Variants in CD163 observed in about 807,000 individuals in gnomAD.
CD163 encodes the protein CD163 molecule, also known as scavenger receptor cysteine-rich type 1 protein M130.
CD163 carries 64 observed loss-of-function variants against 129.2 expected under a neutral mutation model. That is an observed-to-expected ratio of 0.50 (90% CI 0.41 to 0.61). The LOEUF (loss-of-function observed/expected upper bound fraction) is 0.61, where lower values mean the gene tolerates loss of function less well. CD163 is among the 20% of genes least tolerant of loss of function. The pLI is 0.00. For synonymous variants in CD163, 446 were observed against 478.5 expected (o/e 0.93, Z 0.89); for missense variants, 1,061 against 1,377.9 (o/e 0.77, Z 3.64).
At chr12:7,488,115 AG>A in intron 6 of CD163, 28 bp from the exon 7 acceptor site, 1 of 1,545,130 alleles carries the variant, frequency 6.5e-7, no homozygotes. Flanking sequence ...TTTCAGTGAG[AG>A]GTAATATGAT....
intron 15 of CD163, 74 bp from the exon 16 acceptor site, chr12:7,479,987 T>C (rs1379906416): frequency 1.2e-6 from 2 of 1,608,328 alleles, no homozygotes; most frequent in Non-Finnish European, 1.7e-6. Context: ...AGCTGACTCA[T>C]GGGAATTTTC....
At position 7,503,650 on chromosome 12, in the gene CD163, G is replaced by C. The variant is rs746520372; in HGVS notation, c.41C>G (p.Ser14Cys). The C allele has an allele frequency of 1.3e-6, 2 of 1,598,404 alleles. No individual in the cohort carries two copies. The highest frequency in any genetic ancestry group is 4.5e-5 in the East Asian group (2 of 44,646). ...AATAAATGAGAAGCTTTTACCAGCAGATCCAGAGTCTTCAAGTAGCACCAT... is the reference window on the plus strand; with the variant it reads ...AATAAATGAGAAGCTTTTACCAGCACATCCAGAGTCTTCAAGTAGCACCAT... ...LRMVLLEDSG[S>C]ADFRRHFVNL... The change falls in exon 1 of 17, where the codon TCT becomes TGT. Residue 14 changes from serine to cysteine, a missense_variant. Coordinates refer to ENST00000432237, the MANE Select transcript of CD163 (RefSeq NM_203416.4).
In CD163 at chr12:7,482,959, G is replaced by C. The variant is rs781407651; in HGVS notation, c.3127+7C>G. 8.7e-6 allele frequency: 14 copies of C among 1,613,390 alleles called. No homozygotes were observed. The highest frequency in any genetic ancestry group is 1.6e-4 in the Middle Eastern group (1 of 6,080). On this transcript the variant is annotated splice_region_variant and intron_variant, in intron 13 of 16. Transcript: ENST00000432237. ...TTGGTCTCATCATCATAAACTCCAT[G>C]ATATACCTGTTGTGGCTTTTTGTGG...
chr12:7,478,831 T>A (rs779411687), intron 16 of CD163, among the ~76,000 whole-genome samples: 1 of 152,048 alleles, frequency 6.6e-6, no homozygotes, highest in Non-Finnish European at 1.5e-5. Flanking sequence ...TATATAATAT[T>A]TCTATAAAAA....
At position 7,502,854 on chromosome 12, in the gene CD163, C is replaced by T. The variant is rs1239755809; in HGVS notation, c.47-290G>A. 1.3e-5 allele frequency: 7 copies of T among 550,620 alleles called. No individual in the cohort carries two copies. In the East Asian group the frequency reaches 2.1e-4, roughly 16 times the overall value. The allele number at this position is 550,620 out of a possible 1,614,324, so 34.1% of individuals were successfully genotyped here. A position where few individuals can be genotyped will look rare whatever the true frequency, so the allele number is the denominator to read the frequency against. ...ACCCTTAAAACCTGGAAAATGGAAA[C>T]AACATCAATGAAACTTAGTAGTGGA... On this transcript the variant is annotated intron_variant, in intron 1 of 16. Transcript: ENST00000432237.
rs1948999876 is a variant in CD163, at chr12:7,471,323, A to G, written c.*106T>C. 6.6e-6 allele frequency: 1 copy of G among 152,296 alleles called. No homozygotes were observed. Among genetic ancestry groups the G allele is most frequent in the Non-Finnish European group, 1.5e-5 (1 of 68,030 alleles). 9.4% of individuals were successfully genotyped at this position (152,296 alleles called of 1,614,324 possible). ...AAGAACTCCATAAAAATGCAACTGT[A>G]ATAGTCAGTGAGAGAGGTGAATTTC... On this transcript the variant is annotated 3_prime_UTR_variant, in exon 17 of 17. Coordinates refer to ENST00000432237, the MANE Select transcript of CD163 (RefSeq NM_203416.4).
chr12:7,498,679 C>T (rs1026145388), intron 4 of CD163, among the ~76,000 whole-genome samples, 189 bp downstream of exon 4: 2 of 152,148 alleles, frequency 1.3e-5, no homozygotes, highest in South Asian at 2.1e-4. Context: ...CTTCCCTAAC[C>T]TATTTCTCCT....
intron 12 of CD163, 134 bp downstream of exon 12, chr12:7,483,233 A>C (rs1949188386): frequency 1.1e-6 from 1 of 871,350 alleles, no homozygotes; most frequent in East Asian, 2.6e-5. Context: ...CTTTCAGTAG[A>C]GACATTATGA....
intron 16 of CD163, among the ~76,000 whole-genome samples, chr12:7,474,316 C>T (rs140711625): frequency 6.6e-6 from 1 of 152,092 alleles, no homozygotes; most frequent in African/African-American, 2.4e-5. Flanking sequence ...CTAAAATGGA[C>T]CTCATAATTG....
intron 15 of CD163, 76 bp downstream of exon 15, chr12:7,481,085 A>G (rs1407679747): frequency 6.5e-7 from 1 of 1,545,278 alleles, no homozygotes; most frequent in Non-Finnish European, 8.7e-7. Flanking sequence ...CTGTTTATCA[A>G]AGTAGAATGT....
intron 6 of CD163, among the ~76,000 whole-genome samples, chr12:7,494,687 C>T (rs1400239115): frequency 6.6e-6 from 1 of 152,048 alleles, no homozygotes; most frequent in African/African-American, 2.4e-5. Context: ...GAAATATTCA[C>T]AGGTTTTCCA....
chr12:7,495,324 GTC>G lies in CD163; in HGVS notation c.1175_1176del (p.Arg392ThrfsTer7). ...CCTCTGTCACACACCTTCCCTAACAGTCTCTGAATCTCCACCTCAACTGTCCC... is the reference window on the plus strand; with the variant it reads ...CCTCTGTCACACACCTTCCCTAACAGTCTGAATCTCCACCTCAACTGTCCC... ...CAGTVEVEIQ[R>X]LLGKVCDRGW... On this transcript the variant is annotated frameshift_variant, in exon 6 of 17. Coordinates refer to ENST00000432237, the MANE Select transcript of CD163 (RefSeq NM_203416.4). LOFTEE classifies it high-confidence loss of function. The G allele has an allele frequency of 6.2e-7, 1 of 1,614,080 alleles. No homozygotes were observed. The highest frequency in any genetic ancestry group is 8.5e-7 in the Non-Finnish European group (1 of 1,180,004).
chr12:7,502,424 A>G (rs1949503785), intron 2 of CD163, 54 bp downstream of exon 2: 5 of 1,150,780 alleles, frequency 4.3e-6, no homozygotes, highest in Non-Finnish European at 6.6e-6. Context: ...TTGCCTTTTA[A>G]CTGTTCTTGT....
rs10690784 is a variant in CD163, at chr12:7,484,639, C to CA, written c.2779+456dup. On this transcript the variant is annotated intron_variant, in intron 11 of 16. Transcript: ENST00000432237. Reference sequence around the variant, plus strand: ...GGGGAACAAGAGCAAAACTCTGTCTCAAAAAAAAAAAAAAAAAAAACCTGT... The same window carrying CA: ...GGGGAACAAGAGCAAAACTCTGTCTCAAAAAAAAAAAAAAAAAAAAACCTGT... 7.8e-3 allele frequency among the ~76,000 whole-genome samples: 779 copies of CA among 100,428 alleles called. 28 individuals carry two copies. The highest frequency in any genetic ancestry group is 0.03 in the Middle Eastern group (6 of 200). 65.9% of individuals were successfully genotyped at this position (100,428 alleles called of 152,430 possible).
intron 10 of CD163, among the ~76,000 whole-genome samples, chr12:7,486,220 C>G (rs779177286): frequency 7.2e-5 from 11 of 152,144 alleles, no homozygotes; most frequent in Admixed American, 7.2e-4. Flanking sequence ...TATCTAATAT[C>G]TGGCCCCAAA....
chr12:7,501,400 C>T lies in CD163; in HGVS notation c.196G>A (p.Val66Met). Residue 66 changes from valine (V) to methionine (M), a missense_variant, in exon 3 of 17, where the codon GTG (valine) becomes ATG (methionine). Physicochemically the swap from Val to Met is conservative, Grantham distance 21 (BLOSUM62 1). Coordinates refer to ENST00000432237, the MANE Select transcript of CD163 (RefSeq NM_203416.4). ...GTTCCCCACTCCTCCTGGACTTTCA[C>T]TTCCACTCTCCCGCTACACTTGTTT... The part of the protein sequence containing the change: ...GENKCSGRVE[V>M]KVQEEWGTVC... 6.2e-7 allele frequency: 1 copy of T among 1,614,056 alleles called. No individual in the cohort carries two copies.
chr12:7,487,601 G>T lies in CD163; in HGVS notation c.1808C>A (p.Ala603Asp), dbSNP rs1949271989. Reference protein sequence around the residue: ...EGRVELKTLGAWGSLCNSHWD... With the variant: ...EGRVELKTLGDWGSLCNSHWD... The stretch of plus-strand genomic sequence containing the variant: ...GTGAGAGTTACAGAGGGATCCCCAG[G>T]CACCAAGCGTTTTGAGCTCCACTCT... The change falls in exon 8 of 17, where the codon GCC (alanine) becomes GAC (aspartate). Residue 603 changes from alanine (A) to aspartate (D), a missense_variant. Coordinates refer to ENST00000432237, the MANE Select transcript of CD163 (RefSeq NM_203416.4). This position sits in a 1 kb window ranked among gnomAD's most constrained non-coding sequence, Gnocchi z 5.1. The T allele has an allele frequency of 6.2e-7, 1 of 1,614,102 alleles. No individual in the cohort carries two copies. The highest frequency in any genetic ancestry group is 2.2e-5 in the East Asian group (1 of 44,876).
At chr12:7,474,046 T>A (rs1326713100) in intron 16 of CD163, among the ~76,000 whole-genome samples, 1 of 152,124 alleles carries the variant, frequency 6.6e-6, no homozygotes, top group Non-Finnish European at 1.5e-5. Context: ...TAAATACATA[T>A]GCACCCAATA....
chr12:7,485,174 T>C lies in CD163; in HGVS notation c.2701A>G (p.Thr901Ala), dbSNP rs776954874. Residue 901 changes from threonine to alanine, a missense_variant, in exon 11 of 17, where the codon ACG becomes GCG. Transcript: ENST00000432237. The surrounding 1 kb of genome is among the most constrained non-coding windows in gnomAD (Gnocchi z 4.5). The stretch of plus-strand genomic sequence containing the variant: ...GGAGATGATGGGCACTGCCACAGCG[T>C]GTCAGGTCCTTTTGGACACTGAACA... The part of the protein sequence containing the change: ...DNVQCPKGPD[T>A]LWQCPSSPWE... 1.2e-6 allele frequency: 2 copies of C among 1,614,176 alleles called. No individual in the cohort carries two copies. Among genetic ancestry groups the C allele is most frequent in the Admixed American group, 1.7e-5 (1 of 60,022 alleles).
Sources: allele counts gnomAD v4.1 joint callset (sites outside exome capture counted in the v4.1 genomes callset), GRCh38; gene constraint gnomAD v4.1.1; non-coding constraint Gnocchi (gnomAD v3.1); transcripts MANE v1.5; gene names NCBI Gene and HGNC (gene_info 2026-07-23, HGNC 2026-07-21).